The following OPTN variants were observed in gnomAD, a reference collection of about 807,000 sequenced individuals.
OPTN encodes E3-14.7K-interacting protein.
In OPTN, 54 loss-of-function variants were observed where a neutral mutation model predicts 70.4. The ratio of observed to expected loss-of-function variants is 0.77; its 90% CI spans 0.62 to 0.96. The LOEUF (loss-of-function observed/expected upper bound fraction) is 0.96. Among genes scored for constraint, OPTN ranks in the 40% least tolerant of loss-of-function variants. OPTN has a pLI of 0.00. For synonymous variants in OPTN, 256 were observed against 248.5 expected (o/e 1.03, Z -0.28); for missense variants, 624 against 673.2 (o/e 0.93, Z 0.81).
At chr10:13,132,515 T>C (rs949007845) in intron 13 of OPTN, among the ~76,000 whole-genome samples, 2 of 151,910 alleles carry the variant, frequency 1.3e-5, no homozygotes, top group Non-Finnish European at 2.9e-5. Context: ...AAATGTTGTG[T>C]TGTTTTGTTT....
intron 2 of OPTN, 30 bp from the exon 3 acceptor site, chr10:13,109,082 C>T (rs756759029): frequency 2.5e-6 from 4 of 1,608,198 alleles, no homozygotes; most frequent in African/African-American, 1.3e-5. Flanking sequence ...CGGGGGACAG[C>T]TCTATTTTCA....
At chr10:13,102,731 T>A (rs113043812) in intron 1 of OPTN, among the ~76,000 whole-genome samples, 3,511 of 152,098 alleles carry the variant, frequency 0.023, 135 homozygotes, top group African/African-American at 0.079. Context: ...TCACTTGAGA[T>A]CAGGAGTTCA....
intron 7 of OPTN, among the ~76,000 whole-genome samples, chr10:13,120,718 C>T (rs893634790): frequency 2.0e-5 from 3 of 152,132 alleles, no homozygotes; most frequent in Admixed American, 6.5e-5. Flanking sequence ...TTTGTCCTTA[C>T]GCCAGTACCA....
At chr10:13,122,069 C>G (rs985335015) in intron 7 of OPTN, among the ~76,000 whole-genome samples, 1 of 152,238 alleles carries the variant, frequency 6.6e-6, no homozygotes, top group African/African-American at 2.4e-5. Context: ...TCATGGAACA[C>G]ACATGCATCC....
At chr10:13,110,822 A>G (rs898893680) in intron 4 of OPTN, among the ~76,000 whole-genome samples, 1 of 152,188 alleles carries the variant, frequency 6.6e-6, no homozygotes, top group Non-Finnish European at 1.5e-5. Flanking sequence ...GATATAAAAA[A>G]TATGTTTAAA....
chr10:13,108,965 G>A, intron 2 of OPTN, 147 bp from the exon 3 acceptor site: 1 of 771,576 alleles, frequency 1.3e-6, no homozygotes, highest in Non-Finnish European at 2.3e-6. Context: ...TTAAAAGGAA[G>A]AATCAAAAAT....
chr10:13,126,394 C>G (rs1234992413), intron 11 of OPTN, among the ~76,000 whole-genome samples: 3 of 151,622 alleles, frequency 2.0e-5, no homozygotes, highest in Non-Finnish European at 4.4e-5. Context: ...CATTCTCCTG[C>G]CTCAGCCTCC....
chr10:13,109,421 A>G, intron 3 of OPTN, 133 bp downstream of exon 3: 8 of 879,438 alleles, frequency 9.1e-6, no homozygotes, highest in Non-Finnish European at 1.4e-5. Context: ...GAAGCACAGG[A>G]TTTAGCATTT....
At chr10:13,116,923 T>C (rs1833221619) in intron 6 of OPTN, among the ~76,000 whole-genome samples, 2 of 152,108 alleles carry the variant, frequency 1.3e-5, no homozygotes, top group South Asian at 4.2e-4. Flanking sequence ...TGGCAGGGCC[T>C]TGGGGAGGGA....
At chr10:13,101,003 C>A (rs1832731445) in intron 1 of OPTN, among the ~76,000 whole-genome samples, 1 of 152,230 alleles carries the variant, frequency 6.6e-6, no homozygotes, top group African/African-American at 2.4e-5. Flanking sequence ...AATGTGAGGA[C>A]CTCAGAAGCC....
intron 1 of OPTN, among the ~76,000 whole-genome samples, chr10:13,103,742 G>GCACA (rs771828062): frequency 0.017 from 1,096 of 64,894 alleles, 10 homozygotes; most frequent in Non-Finnish European, 0.049. Flanking sequence ...ACACACACAT[G>GCACA]CACACACACA....
Position 13,136,800 on chromosome 10 carries a change from C to G in OPTN, c.1668C>G (p.Pro556=). ...GGAATATTCCGATTCATTCCTGCCC[C>G]AAGTGTGGAGAGGTTCTGCCTGACA... The part of the protein sequence containing the change: ...QQRNIPIHSC[P]KCGEVLPDID... The change falls in exon 15 of 15, where the codon CCC becomes CCG. Residue 556 remains proline, a synonymous_variant. Transcript: ENST00000378747. The G allele has an allele frequency of 6.2e-7, 1 of 1,614,196 alleles. No homozygotes were observed. Among genetic ancestry groups the G allele is most frequent in the Non-Finnish European group, 8.5e-7 (1 of 1,180,034 alleles).
At chr10:13,134,129 G>A (rs765055365) in intron 14 of OPTN, among the ~76,000 whole-genome samples, 7 of 152,106 alleles carry the variant, frequency 4.6e-5, no homozygotes, top group Non-Finnish European at 1.0e-4. Flanking sequence ...CTTTTAAACC[G>A]TGTCTCCCTC....
chr10:13,122,009 A>G (rs1833361736), intron 7 of OPTN, among the ~76,000 whole-genome samples: 1 of 152,244 alleles, frequency 6.6e-6, no homozygotes, highest in Non-Finnish European at 1.5e-5. Flanking sequence ...GTGTCCTAAA[A>G]GGAAAAGTCT....
intron 6 of OPTN, among the ~76,000 whole-genome samples, 182 bp from the exon 7 acceptor site, chr10:13,118,706 A>C (rs555063805): frequency 6.6e-6 from 1 of 152,334 alleles, no homozygotes; most frequent in African/African-American, 2.4e-5. Context: ...TTCCCTAGGA[A>C]GCATGGAGGA....
At chr10:13,102,253 A>G (rs981733085) in intron 1 of OPTN, among the ~76,000 whole-genome samples, 1 of 152,072 alleles carries the variant, frequency 6.6e-6, no homozygotes, top group Non-Finnish European at 1.5e-5. Context: ...CTTGGGTACG[A>G]GTGTTTTGGT....
chr10:13,108,956 TAAAAGGA>T, intron 2 of OPTN, 149 bp from the exon 3 acceptor site: 3 of 749,286 alleles, frequency 4.0e-6, no homozygotes, highest in Admixed American at 1.9e-5. Flanking sequence ...CTTTTTTGTT[TAAAAGGA>T]AGAATCAAAA....
At chr10:13,102,371 G>A (rs1405114221) in intron 1 of OPTN, among the ~76,000 whole-genome samples, 1 of 152,220 alleles carries the variant, frequency 6.6e-6, no homozygotes, top group East Asian at 1.9e-4. Flanking sequence ...GGACTCAGGG[G>A]AATGACCTCA....
intron 5 of OPTN, among the ~76,000 whole-genome samples, chr10:13,115,890 A>T (rs143964908): frequency 7.2e-5 from 11 of 152,012 alleles, no homozygotes; most frequent in African/African-American, 2.7e-4. Flanking sequence ...AGCATTTTGC[A>T]TTTTAAAGGA....
Sources: gnomAD v4.1 joint callset for allele counts (sites outside exome capture counted in the v4.1 genomes callset) on GRCh38, gnomAD v4.1.1 for gene constraint, MANE v1.5 for transcripts, NCBI Gene and HGNC (gene_info 2026-07-23, HGNC 2026-07-21) for gene names.